VPS39: variants seen among roughly 807,000 people sequenced by gnomAD.
VPS39 encodes the protein VPS39 subunit of HOPS complex, also known as vam6/Vps39-like protein.
Under a neutral mutation model 121.0 loss-of-function variants are expected in VPS39, and 70 were observed. The observed-to-expected ratio is 0.58, with a 90% CI of 0.48 to 0.71. The LOEUF (loss-of-function observed/expected upper bound fraction) is 0.71. VPS39 is among the 30% of genes least tolerant of loss of function. VPS39 has a pLI of 0.00. For missense variants in VPS39, 818 were observed against 1,051.5 expected (o/e 0.78, Z 3.07); for synonymous variants, 378 against 398.1 (o/e 0.95, Z 0.60).
intron 2 of VPS39, among the ~76,000 whole-genome samples, chr15:42,197,337 G>GA (rs1260419920): frequency 1.3e-4 from 17 of 128,176 alleles, no homozygotes; most frequent in South Asian, 4.9e-4. Flanking sequence ...AAAAAGAGTG[G>GA]AAAAAAAAAC....
At chr15:42,192,642 C>T (rs2049851857) in intron 2 of VPS39, among the ~76,000 whole-genome samples, 1 of 152,020 alleles carries the variant, frequency 6.6e-6, no homozygotes, top group Admixed American at 6.6e-5. Context: ...AGAAAGGGCC[C>T]TAAAGTTGCA....
intron 2 of VPS39, among the ~76,000 whole-genome samples, chr15:42,198,503 A>G (rs2049991837): frequency 6.6e-6 from 1 of 152,144 alleles, no homozygotes; most frequent in South Asian, 2.1e-4. Context: ...AGCACGTGCC[A>G]CCACATCCAG....
At position 42,169,588 on chromosome 15, in the gene VPS39, T is replaced by A. The variant is rs191982488; in HGVS notation, c.1233+136A>T. 1.1e-4 allele frequency: 104 copies of A among 980,310 alleles called. No homozygotes were observed. In the Middle Eastern group the frequency reaches 1.4e-3, roughly 13 times the overall value. The allele number at this position is 980,310 out of a possible 1,614,324, so 60.7% of individuals were successfully genotyped here. On this transcript the variant is annotated intron_variant, in intron 12 of 24. Transcript: ENST00000318006. ...AGTTAGAAGTAGCAGAAAGAAACTT[T>A]ACCCCAGGCAGACTTCCTACAGCAT...
At chr15:42,173,508 G>T in intron 11 of VPS39, 1 of 464,716 alleles carries the variant, frequency 2.2e-6, no homozygotes, top group African/African-American at 2.0e-5. Context: ...TGGAAAATTG[G>T]GAGTCCACAT....
rs866041150 is a variant in VPS39 at position 42,173,265 on chromosome 15, G to T, written c.1090+458C>A. On this transcript the variant is annotated intron_variant, in intron 11 of 24. Coordinates refer to ENST00000318006, the MANE Select transcript of VPS39 (RefSeq NM_015289.5). ...CAGTAACTCTACCAGACCTCAGGCA[G>T]ACCCCAGGGTACCTGCTCCTCGCCA... Among the ~76,000 whole-genome samples the T allele has an allele frequency of 5.3e-5, 8 of 152,316 alleles. No homozygotes were observed. The Middle Eastern group carries it at 0.014, about 259-fold the overall frequency.
rs770587914 is a variant in VPS39, at chr15:42,191,176, T to C, written c.205-9A>G. On this transcript the variant is annotated splice_polypyrimidine_tract_variant and intron_variant, in intron 3 of 24. Transcript: ENST00000318006. ...TGGGAAACCACATGGATCTGGAAAA[T>C]AGGAAATCATGAGACCCAATTAAAC... The C allele has an allele frequency of 4.3e-5, 69 of 1,613,900 alleles. No homozygotes were observed. Among genetic ancestry groups the C allele is most frequent in the African/African-American group, 1.6e-4 (12 of 74,894 alleles).
chr15:42,163,308 G>C (rs374274228), intron 21 of VPS39, 42 bp downstream of exon 21: 36 of 1,612,430 alleles, frequency 2.2e-5, no homozygotes, highest in Non-Finnish European at 3.1e-5. Flanking sequence ...CCAACGGGGA[G>C]AGGTATGCAC....
At chr15:42,196,933 A>G (rs1002268976) in intron 2 of VPS39, among the ~76,000 whole-genome samples, 5 of 152,226 alleles carry the variant, frequency 3.3e-5, no homozygotes, top group African/African-American at 9.6e-5. Context: ...CCAAATGTCC[A>G]TCAATGATAG....
intron 8 of VPS39, among the ~76,000 whole-genome samples, chr15:42,182,158 G>A (rs1246453307): frequency 6.6e-6 from 1 of 152,126 alleles, no homozygotes; most frequent in African/African-American, 2.4e-5. Flanking sequence ...CATTTTGAAC[G>A]CTACTGCTAT....
At position 42,160,580 on chromosome 15, in the gene VPS39, A is replaced by T. The variant is rs1290396182; in HGVS notation, c.*174T>A. ...TCTCTTTTCCCATTAAAAAGCTGGC[A>T]ATGCCAGACCATGAGTCTAATTAAT... On this transcript the variant is annotated 3_prime_UTR_variant, in exon 25 of 25. Transcript: ENST00000318006. The T allele has an allele frequency of 3.2e-6, 2 of 633,136 alleles. No individual in the cohort carries two copies. The highest frequency in any genetic ancestry group is 5.4e-5 in the East Asian group (2 of 37,266). The allele number at this position is 633,136 out of a possible 1,614,324, so 39.2% of individuals were successfully genotyped here. A position where few individuals can be genotyped will look rare whatever the true frequency, so the allele number is the denominator to read the frequency against.
intron 22 of VPS39, 71 bp from the exon 23 acceptor site, chr15:42,162,237 G>A (rs550778570): frequency 4.4e-6 from 7 of 1,607,208 alleles, no homozygotes; most frequent in Middle Eastern, 1.7e-4. Context: ...GTCTGCAGCC[G>A]TGGAGCTCTT....
chr15:42,187,197 G>C, intron 7 of VPS39, 74 bp downstream of exon 7: 1 of 1,229,518 alleles, frequency 8.1e-7, no homozygotes, highest in Non-Finnish European at 1.1e-6. Flanking sequence ...GTGGTCGCTT[G>C]ACCTGGAGTT....
Position 42,169,729 on chromosome 15 carries a change from T to C in VPS39, c.1228A>G (p.Thr410Ala). The change falls in exon 12 of 25, where the codon ACA (threonine) becomes GCA (alanine). Residue 410 changes from threonine to alanine, a missense_variant. Coordinates refer to ENST00000318006, the MANE Select transcript of VPS39 (RefSeq NM_015289.5). ...GCACTCTGTACTATACCTACCTGTGTCAGGTAGTCAATCAGAGCTAAGTGA... is the reference window on the plus strand; with the variant it reads ...GCACTCTGTACTATACCTACCTGTGCCAGGTAGTCAATCAGAGCTAAGTGA... ...KAHLALIDYL[T>A]QKRSQLVKKL... 6.2e-7 allele frequency: 1 copy of C among 1,613,856 alleles called. No individual in the cohort carries two copies.
chr15:42,187,225 T>C, intron 7 of VPS39, 46 bp downstream of exon 7: 1 of 1,489,756 alleles, frequency 6.7e-7, no homozygotes, highest in East Asian at 2.3e-5. Flanking sequence ...GATAATCATC[T>C]TCCCCAAGAT....
chr15:42,207,298 G>A (rs1566915421), intron 1 of VPS39, among the ~76,000 whole-genome samples: 3 of 152,182 alleles, frequency 2.0e-5, no homozygotes, highest in Non-Finnish European at 4.4e-5. Flanking sequence ...AGTTAGAAAT[G>A]ATTTCCTTGG....
At chr15:42,192,451 C>T (rs531612128) in intron 2 of VPS39, among the ~76,000 whole-genome samples, 2 of 152,172 alleles carry the variant, frequency 1.3e-5, no homozygotes, top group Non-Finnish European at 2.9e-5. Context: ...TGAACCCACG[C>T]CCTGCTACCT....
At position 42,170,741 on chromosome 15, in the gene VPS39, A is replaced by ATTTTTTTTTTTTT. The variant is rs869280235; in HGVS notation, c.1091-888_1091-876dup. The stretch of plus-strand genomic sequence containing the variant: ...ATGGTGTTCTCACAGATGCTCGCAG[A>ATTTTTTTTTTTTT]TTTTTTTTTTTTTTTTTTTTTTTTT... On this transcript the variant is annotated intron_variant, in intron 11 of 24. Coordinates refer to ENST00000318006, the MANE Select transcript of VPS39 (RefSeq NM_015289.5). 1.8e-4 allele frequency among the ~76,000 whole-genome samples: 9 copies of ATTTTTTTTTTTTT among 50,472 alleles called. 3 individuals carry two copies. Among genetic ancestry groups the ATTTTTTTTTTTTT allele is most frequent in the Non-Finnish European group, 2.8e-4 (8 of 28,632 alleles). The allele number at this position is 50,472 out of a possible 152,430, so 33.1% of individuals were successfully genotyped here.
Position 42,166,930 on chromosome 15 carries a change from A to T in VPS39, c.1378-17T>A, listed in dbSNP as rs2049255393. The stretch of plus-strand genomic sequence containing the variant: ...CACATTTGTCTGCAGAAAGAGCAGG[A>T]GTTCAGTGGAAACTGCTTCCTGGGG... On this transcript the variant is annotated splice_polypyrimidine_tract_variant and intron_variant, in intron 13 of 24. Transcript: ENST00000318006. 5 of 1,613,700 alleles carry T rather than the reference A, an allele frequency of 3.1e-6. No homozygotes were observed. The highest frequency in any genetic ancestry group is 4.2e-6 in the Non-Finnish European group (5 of 1,179,916).
intron 12 of VPS39, 39 bp from the exon 13 acceptor site, chr15:42,167,576 G>C: frequency 2.5e-6 from 4 of 1,604,768 alleles, no homozygotes; most frequent in Non-Finnish European, 3.4e-6. Flanking sequence ...CCAGGACTAA[G>C]TCTTCCTTTG....
Sources: gnomAD v4.1 joint callset for allele counts (sites outside exome capture counted in the v4.1 genomes callset) on GRCh38, gnomAD v4.1.1 for gene constraint, MANE v1.5 for transcripts, NCBI Gene and HGNC (gene_info 2026-07-23, HGNC 2026-07-21) for gene names.